Variants in ABL1 observed in about 807,000 individuals in gnomAD.
ABL1 encodes tyrosine-protein kinase ABL1.
Under a neutral mutation model 94.7 loss-of-function variants are expected in ABL1, and 11 were observed. That is an observed-to-expected ratio of 0.12 (90% CI 0.07 to 0.19). The LOEUF is 0.19. ABL1 is among the 10% of genes least tolerant of loss of function. The probability of loss-of-function intolerance (pLI) is 1.00; values close to 1 mark genes in which losing one functional copy is unlikely to be tolerated. For missense variants in ABL1, 1,082 were observed against 1,489.4 expected (o/e 0.73, Z 4.50); for synonymous variants, 656 against 622.4 (o/e 1.05, Z -0.80).
At chr9:130,864,813 C>G (rs557510183) in intron 4 of ABL1, among the ~76,000 whole-genome samples, 1 of 152,122 alleles carries the variant, frequency 6.6e-6, no homozygotes, top group African/African-American at 2.4e-5. Context: ...AGAAATGGGG[C>G]CTTGACCAGC....
At chr9:130,769,143 G>C (rs979347767) in intron 1 of ABL1, among the ~76,000 whole-genome samples, 3 of 152,066 alleles carry the variant, frequency 2.0e-5, no homozygotes, top group Admixed American at 6.6e-5. Flanking sequence ...ACAGAATAGT[G>C]CTTGTTGTAT....
intron 3 of ABL1, among the ~76,000 whole-genome samples, chr9:130,859,996 G>A (rs1056937111): frequency 3.3e-5 from 5 of 152,048 alleles, no homozygotes; most frequent in East Asian, 1.9e-4. Context: ...GTTTCTAAGC[G>A]TTTCTTTGAC....
chr9:130,725,824 GTTTTTTTTTTTTTTT>G (rs34517462), intron 1 of ABL1, among the ~76,000 whole-genome samples: 2 of 76,002 alleles, frequency 2.6e-5, no homozygotes, highest in Non-Finnish European at 4.8e-5. Context: ...GTGTATGGTG[GTTTTTTTTTTTTTTT>G]TTTTTTTTTT....
chr9:130,765,390 T>A (rs2791743), intron 1 of ABL1, among the ~76,000 whole-genome samples: 49,613 of 152,018 alleles, frequency 0.33, 8,998 homozygotes, highest in African/African-American at 0.48. Flanking sequence ...ATGGAAATCC[T>A]TGTGGTGTTG....
chr9:130,868,085 G>A (rs574171543), intron 4 of ABL1, among the ~76,000 whole-genome samples: 1 of 151,970 alleles, frequency 6.6e-6, no homozygotes. Flanking sequence ...TCAGCCTCCC[G>A]AGTAGCTGGG....
chr9:130,809,297 C>T (rs1026156346), intron 1 of ABL1, among the ~76,000 whole-genome samples: 4 of 151,824 alleles, frequency 2.6e-5, no homozygotes, highest in African/African-American at 9.7e-5. Flanking sequence ...GAAATAGTTC[C>T]TGTTCCCAGT....
In ABL1 at chr9:130,837,357, G is replaced by A. The variant is rs140449638; in HGVS notation, c.79+1832G>A. Among the ~76,000 whole-genome samples the A allele has an allele frequency of 1.1e-4, 17 of 152,348 alleles. 1 individual carries two copies. Among genetic ancestry groups the A allele is most frequent in the Non-Finnish European group, 1.5e-5 (1 of 68,040 alleles). On this transcript the variant is annotated intron_variant, in intron 1 of 10. Transcript: ENST00000318560. The stretch of plus-strand genomic sequence containing the variant: ...GCAGATGGGTGCCTAAGGCGGGGAT[G>A]AATGGACTTTTGTAAGTGCAGAGCT...
At chr9:130,714,804 G>A (rs1831417066) in intron 1 of ABL1, among the ~76,000 whole-genome samples, 1 of 152,192 alleles carries the variant, frequency 6.6e-6, no homozygotes, top group Non-Finnish European at 1.5e-5. Flanking sequence ...TCTAACCGAA[G>A]TCGTGGGCTC....
At position 130,872,183 on chromosome 9, in the gene ABL1, A is replaced by C; in HGVS notation, c.877A>C (p.Ile293Leu). The C allele has an allele frequency of 6.2e-7, 1 of 1,614,180 alleles. No individual in the cohort carries two copies. The change falls in exon 5 of 11, where the codon ATC (isoleucine) becomes CTC (leucine). Residue 293 changes from isoleucine (I) to leucine (L), a missense_variant. Physicochemically the swap from Ile to Leu is conservative, Grantham distance 5. Coordinates refer to ENST00000318560, the MANE Select transcript of ABL1 (RefSeq NM_005157.6). The surrounding 1 kb of genome is among the most constrained non-coding windows in gnomAD (Gnocchi z 5.0). Reference sequence around the variant, plus strand: ...GAAAGAAGCTGCAGTCATGAAAGAGATCAAACACCCTAACCTGGTGCAGCT... The same window carrying C: ...GAAAGAAGCTGCAGTCATGAAAGAGCTCAAACACCCTAACCTGGTGCAGCT... ...FLKEAAVMKE[I>L]KHPNLVQLLG...
At position 130,752,127 on chromosome 9, in the gene ABL1, T is replaced by C. The variant is rs550501820; in HGVS notation, c.136+37672T>C. ...GTGCACCAGAACATTTTTCTTTCAT[T>C]AGATTCTCAAAGGGGACGATGACCC... On this transcript the variant is annotated intron_variant, in intron 1 of 10. Transcript: ENST00000372348. 2.6e-5 allele frequency among the ~76,000 whole-genome samples: 4 copies of C among 152,206 alleles called. No homozygotes were observed. In the East Asian group the frequency reaches 7.7e-4, roughly 29 times the overall value.
intron 1 of ABL1, among the ~76,000 whole-genome samples, chr9:130,787,666 C>T (rs962357661): frequency 2.6e-5 from 4 of 152,138 alleles, no homozygotes. Flanking sequence ...TGCTCCCAGT[C>T]GTCGTCACGA....
chr9:130,744,254 T>G (rs1831855962), intron 1 of ABL1, among the ~76,000 whole-genome samples: 1 of 151,846 alleles, frequency 6.6e-6, no homozygotes, highest in Non-Finnish European at 1.5e-5. Context: ...GAGATTCTCC[T>G]GCCTCAGCCT....
At chr9:130,743,758 C>T (rs1206907245) in intron 1 of ABL1, among the ~76,000 whole-genome samples, 5 of 152,108 alleles carry the variant, frequency 3.3e-5, no homozygotes, top group Non-Finnish European at 5.9e-5. Context: ...GGAGCAGGCA[C>T]AAGCTTTGTG....
intron 3 of ABL1, among the ~76,000 whole-genome samples, chr9:130,859,773 C>T (rs1049918354): frequency 3.4e-5 from 5 of 147,824 alleles, no homozygotes; most frequent in African/African-American, 7.6e-5. Flanking sequence ...CTGCGCCTCC[C>T]AGGTTCGAGC....
At chr9:130,794,634 C>A (rs1317914091) in intron 1 of ABL1, among the ~76,000 whole-genome samples, 8 of 152,148 alleles carry the variant, frequency 5.3e-5, no homozygotes, top group African/African-American at 1.9e-4. Context: ...GTCTTACTGG[C>A]TGTATTGGGT....
intron 1 of ABL1, among the ~76,000 whole-genome samples, chr9:130,757,906 G>C (rs1420175056): frequency 6.6e-6 from 1 of 152,120 alleles, no homozygotes; most frequent in African/African-American, 2.4e-5. Context: ...TGAAAGACGA[G>C]AAAGTTGATG....
chr9:130,720,081 C>T (rs1047256364), intron 1 of ABL1, among the ~76,000 whole-genome samples: 5 of 152,202 alleles, frequency 3.3e-5, no homozygotes, highest in African/African-American at 9.6e-5. Flanking sequence ...TTTCCTTCTT[C>T]CTTCAACAAA....
intron 1 of ABL1, among the ~76,000 whole-genome samples, chr9:130,852,992 G>A (rs1482934176): frequency 6.6e-6 from 1 of 152,042 alleles, no homozygotes; most frequent in Non-Finnish European, 1.5e-5. Flanking sequence ...GTCCTAGTTG[G>A]AAGAACAGGC....
Position 130,880,130 on chromosome 9 carries a change from A to G in ABL1, c.1486A>G (p.Met496Val). Residue 496 changes from methionine (M) to valine (V), a missense_variant, in exon 9 of 11, where the codon ATG (methionine) becomes GTG (valine). Physicochemically the swap from Met to Val is conservative, Grantham distance 21. Transcript: ENST00000318560. The surrounding 1 kb of genome is among the most constrained non-coding windows in gnomAD (Gnocchi z 4.4). ...FAEIHQAFET[M>V]FQESSISDEV... ...TGAAATCCACCAAGCCTTTGAAACAATGTTCCAGGAATCCAGTATCTCAGA... is the reference window on the plus strand; with the variant it reads ...TGAAATCCACCAAGCCTTTGAAACAGTGTTCCAGGAATCCAGTATCTCAGA... The G allele has an allele frequency of 6.2e-7, 1 of 1,614,140 alleles. No individual in the cohort carries two copies. Among genetic ancestry groups the G allele is most frequent in the Non-Finnish European group, 8.5e-7 (1 of 1,180,016 alleles).
Sources: gnomAD v4.1 joint callset for allele counts (sites outside exome capture counted in the v4.1 genomes callset) on GRCh38, gnomAD v4.1.1 for gene constraint, Gnocchi (gnomAD v3.1) non-coding constraint, MANE v1.5 for transcripts, NCBI Gene and HGNC (gene_info 2026-07-23, HGNC 2026-07-21) for gene names.